The following RNF141 variants were observed in gnomAD, a reference collection of about 807,000 sequenced individuals.
RNF141 encodes C3HC4-like zinc finger protein.
In RNF141, 18 loss-of-function variants were observed where a neutral mutation model predicts 27.4. The ratio of observed to expected loss-of-function variants is 0.66; its 90% CI spans 0.45 to 0.97. RNF141 has a LOEUF of 0.97. RNF141 is among the 50% of genes least tolerant of loss of function. The probability of loss-of-function intolerance (pLI) is 0.00; values close to 1 mark genes in which losing one functional copy is unlikely to be tolerated. For missense variants in RNF141, 230 were observed against 279.4 expected (o/e 0.82, Z 1.26); for synonymous variants, 97 against 96.6 (o/e 1.00, Z -0.02).
Position 10,531,863 on chromosome 11 carries a change from C to T in RNF141, c.144-1112G>A, listed in dbSNP as rs76359767. On this transcript the variant is annotated intron_variant, in intron 2 of 5. Coordinates refer to ENST00000265981, the MANE Select transcript of RNF141 (RefSeq NM_016422.4). Reference sequence around the variant, plus strand: ...AAGTCTTCGGTGAAAATAATTCAGCCGTGCCAGTTTCCAGCTCTGTTTTCT... The same window carrying T: ...AAGTCTTCGGTGAAAATAATTCAGCTGTGCCAGTTTCCAGCTCTGTTTTCT... 1,240 of 237,068 alleles carry T rather than the reference C, an allele frequency of 5.2e-3. 22 individuals carry two copies. The highest frequency in any genetic ancestry group is 0.028 in the African/African-American group (1,176 of 42,424). The allele number at this position is 237,068 out of a possible 1,614,324, so 14.7% of individuals were successfully genotyped here.
intron 2 of RNF141, chr11:10,532,080 G>T: frequency 2.6e-6 from 1 of 390,540 alleles, no homozygotes; most frequent in East Asian, 9.1e-5. Context: ...GGTTTTATAG[G>T]GTACATTTTA....
At chr11:10,535,357 T>TA (rs60297712) in intron 1 of RNF141, among the ~76,000 whole-genome samples, 85,618 of 145,788 alleles carry the variant, frequency 0.59, 25,080 homozygotes, top group East Asian at 0.7. Flanking sequence ...AATTGTAATT[T>TA]AAAAAAAAAA....
chr11:10,539,777 AAC>A (rs1442247311), intron 1 of RNF141, among the ~76,000 whole-genome samples: 3 of 142,984 alleles, frequency 2.1e-5, no homozygotes, highest in East Asian at 4.1e-4. Flanking sequence ...TTCTCACAGT[AAC>A]AGTGTGTTTA....
In RNF141 at chr11:10,524,604, C is replaced by G. The variant is rs75466849; in HGVS notation, c.434+588G>C. Among the ~76,000 whole-genome samples the G allele has an allele frequency of 8.3e-3, 1,265 of 152,230 alleles. 16 individuals carry two copies. The highest frequency in any genetic ancestry group is 0.029 in the African/African-American group (1,208 of 41,522). ...TCAAATGTCAAGAAGTGGGAACTTT[C>G]ATGTGCCAAAAGCATAACAGAGAAG... On this transcript the variant is annotated intron_variant, in intron 4 of 5. Coordinates refer to ENST00000265981, the MANE Select transcript of RNF141 (RefSeq NM_016422.4).
At chr11:10,515,447 G>A (rs1315319228) in intron 5 of RNF141, 2 of 158,590 alleles carry the variant, frequency 1.3e-5, no homozygotes, top group Non-Finnish European at 1.4e-5. Context: ...CTAGTCTCCT[G>A]CAGAAGGACA....
At chr11:10,519,339 C>T (rs1239916421) in intron 4 of RNF141, among the ~76,000 whole-genome samples, 198 bp from the exon 5 acceptor site, 1 of 151,968 alleles carries the variant, frequency 6.6e-6, no homozygotes, top group Non-Finnish European at 1.5e-5. Flanking sequence ...ATTAAGAGGG[C>T]TACATTTCAT....
At position 10,525,176 on chromosome 11, in the gene RNF141, C is replaced by T. The variant is rs75317269; in HGVS notation, c.434+16G>A. ...ATTAGAAAATAAGTGAAATACAATA[C>T]TTATGCATTATATACCTTCCCATCC... On this transcript the variant is annotated intron_variant, in intron 4 of 5. Transcript: ENST00000265981. 42,617 of 1,534,004 alleles carry T rather than the reference C, an allele frequency of 0.028. 691 individuals carry two copies. The highest frequency in any genetic ancestry group is 0.056 in the Middle Eastern group (243 of 4,308).
At chr11:10,519,242 A>G in intron 4 of RNF141, 101 bp from the exon 5 acceptor site, 1 of 918,272 alleles carries the variant, frequency 1.1e-6, no homozygotes, top group Non-Finnish European at 1.7e-6. Flanking sequence ...ATATGCCCAC[A>G]GTATAAAGCA....
At chr11:10,527,737 T>G (rs922936254) in intron 3 of RNF141, among the ~76,000 whole-genome samples, 1 of 152,204 alleles carries the variant, frequency 6.6e-6, no homozygotes, top group African/African-American at 2.4e-5. Flanking sequence ...TGGAATAGAC[T>G]GCTTGTTGTG....
At chr11:10,530,910 A>G (rs1386163312) in intron 2 of RNF141, among the ~76,000 whole-genome samples, 159 bp from the exon 3 acceptor site, 1 of 152,248 alleles carries the variant, frequency 6.6e-6, no homozygotes, top group South Asian at 2.1e-4. Context: ...TTCTTAAAAC[A>G]GGGATAGAGA....
rs758737480 is a variant in RNF141, at chr11:10,534,128, ACTGTGT to A, written c.25_30del (p.Thr9_Gln10del). On this transcript the variant is annotated inframe_deletion, in exon 2 of 6. Coordinates refer to ENST00000265981, the MANE Select transcript of RNF141 (RefSeq NM_016422.4). ...TTTTCTGGTAACTTGTTAATAACCA[ACTGTGT>A]CTGATCCGAAATTTGCTGTCCCATG... 23 of 1,613,398 alleles carry A rather than the reference ACTGTGT, an allele frequency of 1.4e-5. No individual in the cohort carries two copies. In the Middle Eastern group the frequency reaches 6.6e-4, roughly 46 times the overall value.
At chr11:10,516,530 G>T (rs985304870) in intron 5 of RNF141, 3 of 152,424 alleles carry the variant, frequency 2.0e-5, no homozygotes, top group Non-Finnish European at 4.4e-5. Flanking sequence ...GGGTTTACAG[G>T]GCAGGGTAAT....
chr11:10,529,110 A>T (rs1849964204), intron 3 of RNF141, among the ~76,000 whole-genome samples: 3 of 152,218 alleles, frequency 2.0e-5, no homozygotes, highest in Non-Finnish European at 2.9e-5. Context: ...TTGCCAGCAG[A>T]ACCTTATTTT....
intron 2 of RNF141, among the ~76,000 whole-genome samples, chr11:10,531,097 G>A (rs996002893): frequency 6.6e-6 from 1 of 152,078 alleles, no homozygotes; most frequent in African/African-American, 2.4e-5. Flanking sequence ...AAAAAGGTTG[G>A]CCAGGGCAGT....
intron 3 of RNF141, 22 bp downstream of exon 3, chr11:10,530,621 T>C (rs773060088): frequency 2.1e-5 from 29 of 1,381,148 alleles, no homozygotes; most frequent in Admixed American, 9.2e-5. Context: ...AGCTCAGAGG[T>C]AGAAGTCTCC....
rs76344980 is a variant in RNF141, at chr11:10,523,027, T to C, written c.434+2165A>G. On this transcript the variant is annotated intron_variant, in intron 4 of 5. Coordinates refer to ENST00000265981, the MANE Select transcript of RNF141 (RefSeq NM_016422.4). Reference sequence around the variant, plus strand: ...AAATGAAGCAATAGGAAAAACTTCATAGTGATTAGAGCCATCTGAGTATGA... The same window carrying C: ...AAATGAAGCAATAGGAAAAACTTCACAGTGATTAGAGCCATCTGAGTATGA... 9.3e-3 allele frequency among the ~76,000 whole-genome samples: 1,420 copies of C among 152,314 alleles called. 25 individuals carry two copies. The highest frequency in any genetic ancestry group is 0.032 in the African/African-American group (1,344 of 41,564).
chr11:10,525,457 C>A, intron 3 of RNF141, 84 bp from the exon 4 acceptor site: 1 of 1,035,576 alleles, frequency 9.7e-7, no homozygotes, highest in Admixed American at 2.7e-5. Flanking sequence ...AATATTTAGT[C>A]AAACATCCTA....
Position 10,513,608 on chromosome 11 carries a change from T to C in RNF141, c.*1308A>G, listed in dbSNP as rs1170654257. ...TTTCAATGGAAGTACAGTGAAACAG[T>C]AGGAATGCCAAATTATCTTCTAATT... On this transcript the variant is annotated 3_prime_UTR_variant, in exon 6 of 6. Transcript: ENST00000265981. 5 of 152,286 alleles carry C rather than the reference T, an allele frequency of 3.3e-5. No homozygotes were observed. The highest frequency in any genetic ancestry group is 6.8e-3 in the Middle Eastern group (2 of 294). 9.4% of individuals were successfully genotyped at this position (152,286 alleles called of 1,614,324 possible).
chr11:10,513,347 C>T lies in RNF141; in HGVS notation c.*1569G>A, dbSNP rs527473519. The T allele has an allele frequency of 6.6e-6, 1 of 152,212 alleles. No homozygotes were observed. Among genetic ancestry groups the T allele is most frequent in the East Asian group, 1.9e-4 (1 of 5,182 alleles). 9.4% of individuals were successfully genotyped at this position (152,212 alleles called of 1,614,324 possible). A position where few individuals can be genotyped will look rare whatever the true frequency, so the allele number is the denominator to read the frequency against. ...AAATTCTGTCATCAATAAGTGGCAACTTAAATTGTGTACCCTGGTTTAGGA... is the reference window on the plus strand; with the variant it reads ...AAATTCTGTCATCAATAAGTGGCAATTTAAATTGTGTACCCTGGTTTAGGA... On this transcript the variant is annotated 3_prime_UTR_variant, in exon 6 of 6. Coordinates refer to ENST00000265981, the MANE Select transcript of RNF141 (RefSeq NM_016422.4).
Sources: allele counts gnomAD v4.1 joint callset (sites outside exome capture counted in the v4.1 genomes callset), GRCh38; gene constraint gnomAD v4.1.1; transcripts MANE v1.5; gene names NCBI Gene and HGNC (gene_info 2026-07-23, HGNC 2026-07-21).